GABPB1: variants seen among roughly 807,000 people sequenced by gnomAD.
GABPB1 encodes GA-binding protein subunit beta-1.
A neutral mutation model predicts 45.9 loss-of-function variants in GABPB1; 15 were observed. The ratio of observed to expected loss-of-function variants is 0.33; its 90% CI spans 0.22 to 0.50. GABPB1 has a LOEUF of 0.50. Among genes scored for constraint, GABPB1 ranks in the 20% least tolerant of loss-of-function variants. The pLI is 0.98. For synonymous variants in GABPB1, 143 were observed against 154.4 expected (o/e 0.93, Z 0.55); for missense variants, 252 against 457.5 (o/e 0.55, Z 4.10).
intron 2 of GABPB1, among the ~76,000 whole-genome samples, chr15:50,307,513 C>T (rs2046988604): frequency 6.6e-6 from 1 of 151,838 alleles, no homozygotes; most frequent in Non-Finnish European, 1.5e-5. Context: ...ACCAGCTGGC[C>T]AACATATTGA....
intron 1 of GABPB1, chr15:50,354,308 C>G (rs1369652666): frequency 2.2e-6 from 1 of 448,162 alleles, no homozygotes; most frequent in Non-Finnish European, 4.5e-6. Flanking sequence ...GCTTCTCCCC[C>G]TCAGGACTCC....
intron 6 of GABPB1, among the ~76,000 whole-genome samples, chr15:50,298,951 CAA>C (rs775179968): frequency 2.8e-4 from 17 of 61,106 alleles, no homozygotes; most frequent in Non-Finnish European, 4.5e-4. Context: ...GACTCCATGT[CAA>C]AAAAAAAAAA....
intron 1 of GABPB1, among the ~76,000 whole-genome samples, chr15:50,338,122 C>A (rs1321045144): frequency 2.0e-5 from 3 of 152,220 alleles, no homozygotes; most frequent in African/African-American, 7.2e-5. Flanking sequence ...TCACTGCAAC[C>A]TCTGCCTCCC....
chr15:50,344,342 G>T (rs758089916), intron 1 of GABPB1, among the ~76,000 whole-genome samples: 2 of 152,160 alleles, frequency 1.3e-5, no homozygotes, highest in Non-Finnish European at 2.9e-5. Context: ...TATTCAGCAA[G>T]GTTCAATTCA....
chr15:50,298,529 TAG>T (rs1483837004), intron 6 of GABPB1, among the ~76,000 whole-genome samples: 1 of 152,248 alleles, frequency 6.6e-6, no homozygotes, highest in African/African-American at 2.4e-5. Context: ...AGCAGCATGT[TAG>T]TATGATGATG....
At chr15:50,346,277 C>T (rs558017830) in intron 1 of GABPB1, 2 of 152,160 alleles carry the variant, frequency 1.3e-5, no homozygotes, top group East Asian at 1.9e-4. Context: ...CAGAAAAATG[C>T]AATTAATAAG....
At chr15:50,351,162 G>A (rs2048805512) in intron 1 of GABPB1, 1 of 152,170 alleles carries the variant, frequency 6.6e-6, no homozygotes, top group South Asian at 2.1e-4. Context: ...TGAATACAAG[G>A]TCTCACTTAT....
intron 8 of GABPB1, among the ~76,000 whole-genome samples, chr15:50,283,212 A>C (rs78644224): frequency 0.019 from 2,908 of 152,318 alleles, 91 homozygotes; most frequent in African/African-American, 0.067. Context: ...GATTAATTTC[A>C]ATTCAGAATA....
At chr15:50,352,873 A>G (rs911691856) in intron 1 of GABPB1, 2 of 152,214 alleles carry the variant, frequency 1.3e-5, no homozygotes, top group Non-Finnish European at 1.5e-5. Context: ...GCATTAATCA[A>G]TTAAGTATAA....
chr15:50,292,846 A>ATGTGTGTGTGTG (rs3985830), intron 6 of GABPB1, among the ~76,000 whole-genome samples: 48 of 149,830 alleles, frequency 3.2e-4, no homozygotes, highest in South Asian at 3.2e-3. Context: ...AAGTGTGTAT[A>ATGTGTGTGTGTG]TGTGTGTGTG....
At chr15:50,292,390 G>A (rs764492383) in intron 6 of GABPB1, among the ~76,000 whole-genome samples, 1 of 151,560 alleles carries the variant, frequency 6.6e-6, no homozygotes. Flanking sequence ...AGGATCGGTA[G>A]TGGGTGCTAA....
At chr15:50,321,207 G>A (rs2047558171) in intron 1 of GABPB1, among the ~76,000 whole-genome samples, 1 of 152,146 alleles carries the variant, frequency 6.6e-6, no homozygotes, top group Non-Finnish European at 1.5e-5. Context: ...TGCTAGACTT[G>A]TTTAAAATCA....
rs920512954 is a variant in GABPB1 at position 50,276,805 on chromosome 15, A to G, written c.*1827T>C. On this transcript the variant is annotated 3_prime_UTR_variant, in exon 9 of 9. Transcript: ENST00000380877. The stretch of plus-strand genomic sequence containing the variant: ...CTGTGGTACCAGCACCCTGCCTAAC[A>G]TGACAAATTAATGTACCGAAGTAAC... 20 of 152,244 alleles carry G rather than the reference A, an allele frequency of 1.3e-4. No homozygotes were observed. The highest frequency in any genetic ancestry group is 4.6e-4 in the African/African-American group (19 of 41,456). The allele number at this position is 152,244 out of a possible 1,614,324, so 9.4% of individuals were successfully genotyped here.
Position 50,300,813 on chromosome 15 carries a change from A to G in GABPB1, c.673T>C (p.Leu225=), listed in dbSNP as rs1376567165. Residue 225 remains leucine, a synonymous_variant, in exon 6 of 9, where the codon TTG becomes CTG. Transcript: ENST00000380877. ...CCTGGAGTTTCTGAAGAATTGGACA[A>G]TGGAGCAGATGCTTCAGCTAAGGCA... ...LAALAEASAP[L]SNSSETPVVA... 1.2e-6 allele frequency: 2 copies of G among 1,610,570 alleles called. No individual in the cohort carries two copies. The highest frequency in any genetic ancestry group is 3.3e-5 in the Admixed American group (2 of 60,012).
At chr15:50,347,566 T>A (rs2048641085) in intron 1 of GABPB1, 1 of 152,086 alleles carries the variant, frequency 6.6e-6, no homozygotes, top group Non-Finnish European at 1.5e-5. Flanking sequence ...TTTGGATACA[T>A]GGGAAGTGCT....
chr15:50,316,024 C>G (rs960734187), intron 1 of GABPB1, among the ~76,000 whole-genome samples: 1 of 152,328 alleles, frequency 6.6e-6, no homozygotes, highest in Non-Finnish European at 1.5e-5. Context: ...GATTGCTCCA[C>G]TGCACTCCAG....
chr15:50,292,460 C>G (rs1397099152), intron 6 of GABPB1, among the ~76,000 whole-genome samples: 1 of 151,758 alleles, frequency 6.6e-6, no homozygotes, highest in Admixed American at 6.6e-5. Context: ...AGTATCCCAC[C>G]AAAGATTACT....
intron 7 of GABPB1, among the ~76,000 whole-genome samples, chr15:50,287,261 A>G (rs2046195956): frequency 6.6e-6 from 1 of 152,140 alleles, no homozygotes; most frequent in East Asian, 1.9e-4. Flanking sequence ...ATTCTTTTCC[A>G]GAGTTTTCCT....
At chr15:50,281,809 T>G (rs1305159271) in intron 8 of GABPB1, among the ~76,000 whole-genome samples, 1 of 152,036 alleles carries the variant, frequency 6.6e-6, no homozygotes, top group Admixed American at 6.6e-5. Flanking sequence ...AAAAGAGATA[T>G]AGACTGGGTG....
Sources: allele counts gnomAD v4.1 joint callset (sites outside exome capture counted in the v4.1 genomes callset), GRCh38; gene constraint gnomAD v4.1.1; transcripts MANE v1.5; gene names NCBI Gene and HGNC (gene_info 2026-07-23, HGNC 2026-07-21).